The following MRPS6 variants were observed in gnomAD, a reference collection of about 807,000 sequenced individuals.
MRPS6 encodes small ribosomal subunit protein bS6m.
In MRPS6, 6 loss-of-function variants were observed where a neutral mutation model predicts 13.1. The ratio of observed to expected loss-of-function variants is 0.46; its 90% CI spans 0.25 to 0.91. The LOEUF (loss-of-function observed/expected upper bound fraction) is 0.91. MRPS6 is among the 40% of genes least tolerant of loss of function. MRPS6 has a pLI of 0.18. For missense variants in MRPS6, 164 were observed against 155.6 expected (o/e 1.05, Z -0.29); for synonymous variants, 61 against 56.5 (o/e 1.08, Z -0.36).
chr21:34,125,615 C>G, intron 2 of MRPS6, 135 bp downstream of exon 2: 2 of 1,324,508 alleles, frequency 1.5e-6, no homozygotes, highest in Non-Finnish European at 1.0e-6. Context: ...GGTACACACT[C>G]TGGCAGTCTT....
At chr21:34,102,475 A>G (rs1445941303) in intron 1 of MRPS6, 1 of 1,000,066 alleles carries the variant, frequency 1.0e-6, no homozygotes, top group African/African-American at 1.7e-5. Flanking sequence ...AACCCTAACC[A>G]TTGGCATATA....
chr21:34,074,861 CGGAGCGTCG>C (rs1383560485), intron 1 of MRPS6, among the ~76,000 whole-genome samples: 4 of 152,164 alleles, frequency 2.6e-5, no homozygotes, highest in Admixed American at 2.6e-4. Context: ...CTAACAATCA[CGGAGCGTCG>C]GGAGATTGTT....
intron 1 of MRPS6, among the ~76,000 whole-genome samples, chr21:34,115,261 A>T (rs1979857673): frequency 6.6e-6 from 1 of 152,076 alleles, no homozygotes; most frequent in Non-Finnish European, 1.5e-5. Context: ...TGTTTTCATC[A>T]CATTGCCCAA....
At chr21:34,074,970 T>C (rs1425782228) in intron 1 of MRPS6, among the ~76,000 whole-genome samples, 1 of 152,184 alleles carries the variant, frequency 6.6e-6, no homozygotes, top group Non-Finnish European at 1.5e-5. Flanking sequence ...TGCCATTGTG[T>C]CCCCCAGCTT....
intron 1 of MRPS6, among the ~76,000 whole-genome samples, chr21:34,110,848 A>G (rs62212124): frequency 0.057 from 8,657 of 152,316 alleles, 293 homozygotes; most frequent in Middle Eastern, 0.13. Flanking sequence ...CAAGACCGAT[A>G]GCGCTAGAAC....
At chr21:34,113,087 T>C (rs1166754976) in intron 1 of MRPS6, among the ~76,000 whole-genome samples, 1 of 152,048 alleles carries the variant, frequency 6.6e-6, no homozygotes, top group East Asian at 1.9e-4. Flanking sequence ...AAAGACAAAA[T>C]ACAAATGTTG....
intron 1 of MRPS6, chr21:34,105,313 T>G (rs1351479333): frequency 1.4e-5 from 14 of 999,956 alleles, no homozygotes; most frequent in Non-Finnish European, 1.6e-5. Context: ...CTTTCTTTTT[T>G]CTTTTTGATA....
At chr21:34,138,250 C>G (rs1980775620) in intron 2 of MRPS6, among the ~76,000 whole-genome samples, 2 of 151,732 alleles carry the variant, frequency 1.3e-5, no homozygotes, top group Non-Finnish European at 2.9e-5. Context: ...TGCAGAAGCT[C>G]TTTAGTTTAA....
chr21:34,119,940 TA>T (rs1332577480), intron 1 of MRPS6, among the ~76,000 whole-genome samples: 1 of 152,180 alleles, frequency 6.6e-6, no homozygotes, highest in Non-Finnish European at 1.5e-5. Flanking sequence ...CATCTTTTAC[TA>T]CAGCAACTTT....
At chr21:34,073,885 G>A in intron 1 of MRPS6, 140 bp downstream of exon 1, 1 of 281,410 alleles carries the variant, frequency 3.6e-6, no homozygotes, top group Non-Finnish European at 5.4e-6. Flanking sequence ...CGGGCGGGCG[G>A]CGGGCGTCCG....
intron 1 of MRPS6, chr21:34,097,089 T>G (rs1978998568): frequency 1.2e-6 from 2 of 1,613,936 alleles, no homozygotes; most frequent in African/African-American, 2.7e-5. Context: ...AGTTGACGCT[T>G]ACTCCAATGG....
chr21:34,125,262 G>A (rs976147375), intron 1 of MRPS6, 79 bp from the exon 2 acceptor site: 3 of 1,558,488 alleles, frequency 1.9e-6, no homozygotes, highest in African/African-American at 2.8e-5. Flanking sequence ...GATTGGAACT[G>A]AGCAGACTTA....
chr21:34,141,463 C>T (rs552188414), intron 2 of MRPS6, among the ~76,000 whole-genome samples: 13 of 151,996 alleles, frequency 8.6e-5, no homozygotes, highest in South Asian at 2.1e-4. Flanking sequence ...GGAAGTTGGG[C>T]GGAGAACATT....
intron 2 of MRPS6, among the ~76,000 whole-genome samples, chr21:34,129,589 A>G (rs2123261821): frequency 6.6e-6 from 1 of 152,334 alleles, no homozygotes; most frequent in Middle Eastern, 3.4e-3. Context: ...GGTAAGCAGA[A>G]TGATAAAAAT....
chr21:34,083,684 A>G (rs1305455176), intron 1 of MRPS6, among the ~76,000 whole-genome samples: 1 of 152,210 alleles, frequency 6.6e-6, no homozygotes, highest in Non-Finnish European at 1.5e-5. Context: ...GCTTTAAGAC[A>G]CCAAGTTTCC....
At chr21:34,142,257 A>G (rs1980931554) in intron 2 of MRPS6, 151 bp from the exon 3 acceptor site, 4 of 720,010 alleles carry the variant, frequency 5.6e-6, no homozygotes, top group Non-Finnish European at 6.0e-6. Flanking sequence ...GTCAGCTGGT[A>G]GTTTCTATTT....
At chr21:34,102,855 T>C in intron 1 of MRPS6, 4 of 1,000,038 alleles carry the variant, frequency 4.0e-6, no homozygotes, top group Non-Finnish European at 4.8e-6. Context: ...TTCAGAGCTC[T>C]ATCAATAAGA....
chr21:34,080,633 T>A (rs1343087903), intron 1 of MRPS6, among the ~76,000 whole-genome samples: 1 of 152,224 alleles, frequency 6.6e-6, no homozygotes, highest in African/African-American at 2.4e-5. Flanking sequence ...TGCATGAATC[T>A]CATCACGTCT....
At chr21:34,077,610 A>G (rs1307496779) in intron 1 of MRPS6, among the ~76,000 whole-genome samples, 2 of 152,224 alleles carry the variant, frequency 1.3e-5, no homozygotes, top group Non-Finnish European at 2.9e-5. Context: ...TAATAGGAAT[A>G]AAGAAGATAG....
Sources: gnomAD v4.1 joint callset for allele counts (sites outside exome capture counted in the v4.1 genomes callset) on GRCh38, gnomAD v4.1.1 for gene constraint, MANE v1.5 for transcripts, NCBI Gene and HGNC (gene_info 2026-07-23, HGNC 2026-07-21) for gene names.